Variants in TCEA1 observed in about 807,000 individuals in gnomAD.
TCEA1 encodes the protein transcription elongation factor A protein 1.
In TCEA1, 21 loss-of-function variants were observed where a neutral mutation model predicts 43.8. The ratio of observed to expected loss-of-function variants is 0.48; its 90% CI spans 0.34 to 0.69. The LOEUF (loss-of-function observed/expected upper bound fraction) is 0.69. Among genes scored for constraint, TCEA1 ranks in the 30% least tolerant of loss-of-function variants. TCEA1 has a pLI of 0.01. For missense variants in TCEA1, 250 were observed against 365.1 expected (o/e 0.68, Z 2.57); for synonymous variants, 104 against 117.5 (o/e 0.88, Z 0.75).
Position 54,008,799 on chromosome 8 carries a change from A to G in TCEA1, c.126+1631T>C, listed in dbSNP as rs527643105. On this transcript the variant is annotated intron_variant, in intron 2 of 9. Transcript: ENST00000521604. The stretch of plus-strand genomic sequence containing the variant: ...AAATGCAAATAAAAACCACCATGAG[A>G]TACCATCTTCCTCCAGTCAGAATGG... 4.2e-4 allele frequency among the ~76,000 whole-genome samples: 64 copies of G among 151,938 alleles called. 1 individual carries two copies. Among genetic ancestry groups the G allele is most frequent in the African/African-American group, 1.5e-3 (62 of 41,518 alleles).
intron 4 of TCEA1, chr8:53,993,440 G>T: frequency 2.8e-6 from 1 of 352,482 alleles, no homozygotes; most frequent in Non-Finnish European, 5.1e-6. Context: ...TAAACTTGTT[G>T]AGTACAATAT....
intron 2 of TCEA1, among the ~76,000 whole-genome samples, chr8:54,006,076 G>A (rs943069267): frequency 8.5e-5 from 13 of 152,144 alleles, no homozygotes; most frequent in Non-Finnish European, 1.5e-4. Context: ...TGTAGTTTCA[G>A]CTTTATCACC....
intron 4 of TCEA1, among the ~76,000 whole-genome samples, chr8:53,988,992 C>T (rs139767334): frequency 6.6e-6 from 1 of 151,946 alleles, no homozygotes; most frequent in African/African-American, 2.4e-5. Context: ...TCGCTTGAAC[C>T]CAGAGGCAGA....
intron 8 of TCEA1, among the ~76,000 whole-genome samples, chr8:53,976,782 C>T (rs1803346562): frequency 6.6e-6 from 1 of 152,074 alleles, no homozygotes; most frequent in South Asian, 2.1e-4. Flanking sequence ...GAAAATAGAG[C>T]AATTCAAACT....
intron 4 of TCEA1, among the ~76,000 whole-genome samples, chr8:53,992,823 G>T (rs766148225): frequency 3.3e-5 from 5 of 152,178 alleles, no homozygotes; most frequent in South Asian, 2.1e-4. Flanking sequence ...CTATGAGTAA[G>T]CAACATGTTC....
intron 3 of TCEA1, among the ~76,000 whole-genome samples, chr8:53,999,224 CAAAAAAA>C (rs57357613): frequency 1.5e-5 from 1 of 64,550 alleles, no homozygotes; most frequent in African/African-American, 5.3e-5. Flanking sequence ...GACTCAGTCT[CAAAAAAA>C]AAAAAAAAAA....
At chr8:53,973,239 A>C (rs1011590586) in intron 8 of TCEA1, 5 of 474,146 alleles carry the variant, frequency 1.1e-5, no homozygotes, top group Non-Finnish European at 2.0e-5. Context: ...AAAGAAAAGA[A>C]AGACAAAGAA....
At position 53,986,986 on chromosome 8, in the gene TCEA1, C is replaced by A; in HGVS notation, c.506G>T (p.Gly169Val). 1 of 1,597,838 alleles carries A rather than the reference C, an allele frequency of 6.3e-7. No individual in the cohort carries two copies. Among genetic ancestry groups the A allele is most frequent in the Non-Finnish European group, 8.5e-7 (1 of 1,172,872 alleles). ...AAGGATATCTTCTTCAATTTGAGAT[C>A]CTAATTCTTCCTCATCAGCTCCAAT... ...IAIGADEEEL[G>V]SQIEEAIYQE... Residue 169 changes from glycine (G) to valine (V), a missense_variant, in exon 6 of 10, where the codon GGA becomes GTA. Coordinates refer to ENST00000521604, the MANE Select transcript of TCEA1 (RefSeq NM_006756.4).
At chr8:53,980,279 C>A (rs1803462408) in intron 7 of TCEA1, among the ~76,000 whole-genome samples, 1 of 152,112 alleles carries the variant, frequency 6.6e-6, no homozygotes, top group South Asian at 2.1e-4. Context: ...ATAGAATATG[C>A]CAGGGTCATC....
intron 8 of TCEA1, chr8:53,972,458 G>T: frequency 1.9e-6 from 1 of 518,176 alleles, no homozygotes; most frequent in East Asian, 5.3e-5. Context: ...GGCATGCATG[G>T]AGAGAATCAG....
chr8:53,969,824 A>G (rs1201370278), intron 9 of TCEA1, among the ~76,000 whole-genome samples: 2 of 152,146 alleles, frequency 1.3e-5, no homozygotes, highest in Non-Finnish European at 2.9e-5. Context: ...CCAAATTTAA[A>G]TTTTATGCTT....
chr8:54,005,156 T>C (rs983342380), intron 2 of TCEA1, among the ~76,000 whole-genome samples: 1 of 152,238 alleles, frequency 6.6e-6, no homozygotes, highest in Non-Finnish European at 1.5e-5. Flanking sequence ...CTAGGGGATC[T>C]AACCCACCTC....
chr8:53,973,613 C>A (rs1396893917), intron 8 of TCEA1: 1 of 567,730 alleles, frequency 1.8e-6, no homozygotes. Flanking sequence ...GTAAGAAACA[C>A]TTCAATTACA....
chr8:53,974,986 T>A (rs1177699070), intron 8 of TCEA1, among the ~76,000 whole-genome samples: 1 of 152,126 alleles, frequency 6.6e-6, no homozygotes, highest in East Asian at 1.9e-4. Context: ...GCTATTAAAA[T>A]AATTTATTTT....
intron 8 of TCEA1, chr8:53,973,032 G>C (rs1231666582): frequency 3.0e-6 from 2 of 674,572 alleles, no homozygotes; most frequent in Non-Finnish European, 5.7e-6. Context: ...CACTCAACAG[G>C]AAGCTTAAAA....
chr8:54,002,330 A>G (rs980681671), intron 2 of TCEA1, among the ~76,000 whole-genome samples: 3 of 149,854 alleles, frequency 2.0e-5, no homozygotes. Flanking sequence ...TTAGCTGGGC[A>G]TGGTGGCACG....
At chr8:53,980,971 C>T (rs1022942598) in intron 7 of TCEA1, among the ~76,000 whole-genome samples, 2 of 152,088 alleles carry the variant, frequency 1.3e-5, no homozygotes, top group African/African-American at 2.4e-5. Context: ...GCCTTATTGC[C>T]GATATGAAAA....
At chr8:54,010,879 C>T (rs985698833) in intron 1 of TCEA1, among the ~76,000 whole-genome samples, 1 of 150,854 alleles carries the variant, frequency 6.6e-6, no homozygotes, top group African/African-American at 2.4e-5. Flanking sequence ...GGTGTGATCT[C>T]GGCTCACTGC....
chr8:54,006,701 C>G (rs777215631), intron 2 of TCEA1, among the ~76,000 whole-genome samples: 31 of 152,322 alleles, frequency 2.0e-4, no homozygotes, highest in Admixed American at 7.2e-4. Context: ...GGAACTATCT[C>G]AAAGGAAAGT....
Sources: gnomAD v4.1 joint callset for allele counts (sites outside exome capture counted in the v4.1 genomes callset) on GRCh38, gnomAD v4.1.1 for gene constraint, MANE v1.5 for transcripts, NCBI Gene and HGNC (gene_info 2026-07-23, HGNC 2026-07-21) for gene names.